Variants in BNIP2 observed in about 807,000 individuals in gnomAD.
BNIP2 encodes BCL2/adenovirus E1B 19 kDa protein-interacting protein 2.
Under a neutral mutation model 43.4 loss-of-function variants are expected in BNIP2, and 36 were observed. That is an observed-to-expected ratio of 0.83 (90% CI 0.64 to 1.10). BNIP2 has a LOEUF of 1.10. Among genes scored for constraint, BNIP2 ranks in the 50% least tolerant of loss-of-function variants. BNIP2 has a pLI of 0.00. For synonymous variants in BNIP2, 146 were observed against 121.0 expected (o/e 1.21, Z -1.35); for missense variants, 417 against 374.1 (o/e 1.11, Z -0.95).
At chr15:59,681,984 G>A (rs981585052) in intron 2 of BNIP2, among the ~76,000 whole-genome samples, 1 of 133,696 alleles carries the variant, frequency 7.5e-6, no homozygotes, top group Non-Finnish European at 1.7e-5. Flanking sequence ...TAACTGTTCC[G>A]AAGAAACTTT....
intron 5 of BNIP2, among the ~76,000 whole-genome samples, chr15:59,673,392 G>A (rs1016163554): frequency 4.0e-5 from 6 of 151,816 alleles, no homozygotes; most frequent in African/African-American, 1.5e-4. Flanking sequence ...GGGATTACAG[G>A]CGTGAGCCAC....
In BNIP2 at chr15:59,664,113, G is replaced by C. The variant is rs1471737978; in HGVS notation, c.901C>G (p.Gln301Glu). The change falls in exon 10 of 10, where the codon CAA (glutamine) becomes GAA (glutamate). Residue 301 changes from glutamine to glutamate, a missense_variant. Gln to Glu is a conservative substitution (Grantham distance 29). Transcript: ENST00000607373. ...GIPECIKQVD[Q>E]ELNGKQDEPK... is the part of the protein sequence containing the mutation. ...TCATCTTGTTTTCCATTAAGTTCTT[G>C]ATCAACTCTGTTTAATGAAGAATAT... is the stretch of plus-strand genomic sequence containing the variant. 1.3e-6 allele frequency: 2 copies of C among 1,540,724 alleles called. No homozygotes were observed. The highest frequency in any genetic ancestry group is 1.8e-6 in the Non-Finnish European group (2 of 1,139,324).
intron 4 of BNIP2, 110 bp downstream of exon 4, chr15:59,679,482 A>G (rs1204910211): frequency 3.2e-6 from 4 of 1,262,318 alleles, no homozygotes; most frequent in Non-Finnish European, 3.2e-6. Flanking sequence ...GGGTTAGCAC[A>G]ATTTCCTATC....
At chr15:59,688,030 C>A (rs1894130344) in intron 1 of BNIP2, among the ~76,000 whole-genome samples, 1 of 152,146 alleles carries the variant, frequency 6.6e-6, no homozygotes, top group Admixed American at 6.5e-5. Flanking sequence ...TGCCTGAAGA[C>A]CATAATAGCA....
At chr15:59,665,156 T>A (rs1222579677) in intron 9 of BNIP2, among the ~76,000 whole-genome samples, 1 of 150,644 alleles carries the variant, frequency 6.6e-6, no homozygotes. Flanking sequence ...CCCAGCTACT[T>A]GGGAGGCTGA....
intron 4 of BNIP2, among the ~76,000 whole-genome samples, chr15:59,679,040 G>A (rs1893486002): frequency 6.6e-6 from 1 of 152,064 alleles, no homozygotes. Context: ...TCATTTTCAA[G>A]ATGGAAAAAA....
intron 6 of BNIP2, among the ~76,000 whole-genome samples, 200 bp from the exon 7 acceptor site, chr15:59,671,514 TTGCTCC>T (rs1194071907): frequency 1.3e-5 from 2 of 152,210 alleles, no homozygotes; most frequent in Admixed American, 1.3e-4. Context: ...GTGAAATGAT[TTGCTCC>T]TGGGATTTGC....
intron 5 of BNIP2, among the ~76,000 whole-genome samples, chr15:59,676,585 G>A (rs560981150): frequency 2.0e-5 from 3 of 152,108 alleles, no homozygotes; most frequent in African/African-American, 7.2e-5. Flanking sequence ...CTTTAAACCT[G>A]TCATGTTTCT....
At chr15:59,677,187 G>T in intron 5 of BNIP2, 3 of 1,595,910 alleles carry the variant, frequency 1.9e-6, no homozygotes, top group Non-Finnish European at 2.6e-6. Flanking sequence ...GAAGGATCCA[G>T]TGGAACCACA....
At chr15:59,685,512 C>T (rs536908853) in intron 1 of BNIP2, among the ~76,000 whole-genome samples, 1 of 152,192 alleles carries the variant, frequency 6.6e-6, no homozygotes, top group African/African-American at 2.4e-5. Context: ...AAAAACAAAA[C>T]AAAACAAACA....
chr15:59,673,194 C>A (rs1278452087), intron 5 of BNIP2, among the ~76,000 whole-genome samples: 1 of 149,748 alleles, frequency 6.7e-6, no homozygotes, highest in Non-Finnish European at 1.5e-5. Flanking sequence ...TCTCGGCTCA[C>A]TGCAACCTCC....
chr15:59,683,485 C>T (rs551551822), intron 1 of BNIP2, among the ~76,000 whole-genome samples: 6 of 152,104 alleles, frequency 3.9e-5, no homozygotes, highest in Non-Finnish European at 7.3e-5. Flanking sequence ...TTAAGAGATA[C>T]GGAGCATCAC....
intron 1 of BNIP2, 142 bp downstream of exon 1, chr15:59,688,993 A>C: frequency 3.5e-6 from 5 of 1,443,212 alleles, no homozygotes; most frequent in Non-Finnish European, 4.5e-6. Flanking sequence ...AGCAGGTTCT[A>C]TGGCTCCCCC....
intron 1 of BNIP2, chr15:59,688,525 G>A (rs1402680958): frequency 5.2e-6 from 3 of 580,154 alleles, no homozygotes; most frequent in Admixed American, 6.2e-5. Context: ...ACACAGACAA[G>A]TAACTCTCCA....
At chr15:59,673,035 T>C (rs1235062557) in intron 5 of BNIP2, among the ~76,000 whole-genome samples, 1 of 152,118 alleles carries the variant, frequency 6.6e-6, no homozygotes, top group African/African-American at 2.4e-5. Context: ...ACAAATATAG[T>C]GATATAACCC....
intron 2 of BNIP2, among the ~76,000 whole-genome samples, chr15:59,681,124 A>C (rs946163885): frequency 6.6e-6 from 1 of 152,218 alleles, no homozygotes; most frequent in Non-Finnish European, 1.5e-5. Context: ...CAATGGTTCA[A>C]TTCTTCTGAG....
chr15:59,680,698 G>C (rs1406231065), intron 2 of BNIP2, among the ~76,000 whole-genome samples: 1 of 152,184 alleles, frequency 6.6e-6, no homozygotes, highest in Non-Finnish European at 1.5e-5. Context: ...ACTGTGCCCA[G>C]CCTAGCAGTG....
chr15:59,683,235 C>T (rs2142017856), intron 1 of BNIP2, among the ~76,000 whole-genome samples: 1 of 152,214 alleles, frequency 6.6e-6, no homozygotes, highest in East Asian at 1.9e-4. Flanking sequence ...GTCCAATATC[C>T]TCATTTTAAA....
chr15:59,660,183 A>G lies in BNIP2; in HGVS notation c.*3886T>C, dbSNP rs4775196. 147,655 of 152,310 alleles carry G rather than the reference A, an allele frequency of 0.97. 71,743 individuals carry two copies. Among genetic ancestry groups the G allele is most frequent in the East Asian group, 1 (5,192 of 5,192 alleles). The allele number at this position is 152,310 out of a possible 1,614,324, so 9.4% of individuals were successfully genotyped here. A position where few individuals can be genotyped will look rare whatever the true frequency, so the allele number is the denominator to read the frequency against. On this transcript the variant is annotated 3_prime_UTR_variant, in exon 10 of 10. Transcript: ENST00000607373. The stretch of plus-strand genomic sequence containing the variant: ...AAACTACACAATTCCTATGACCTAT[A>G]ACAAGACCAGACCTATTTTAACAGC...
Sources: allele counts gnomAD v4.1 joint callset (sites outside exome capture counted in the v4.1 genomes callset), GRCh38; gene constraint gnomAD v4.1.1; transcripts MANE v1.5; gene names NCBI Gene and HGNC (gene_info 2026-07-23, HGNC 2026-07-21).